Variants in PCDH15 observed in about 807,000 individuals in gnomAD.
PCDH15 encodes the protein protocadherin-15.
PCDH15 carries 129 observed loss-of-function variants against 178.5 expected under a neutral mutation model. The ratio of observed to expected loss-of-function variants is 0.72; its 90% CI spans 0.63 to 0.84. The LOEUF is 0.84. Among genes scored for constraint, PCDH15 ranks in the 40% least tolerant of loss-of-function variants. The pLI, the probability that PCDH15 is intolerant of heterozygous loss-of-function variation, is 0.00. For synonymous variants in PCDH15, 800 were observed against 732.0 expected, an observed-to-expected ratio of 1.09 and a Z score of -1.50; for missense variants, 2,230 against 2,099.9, an observed-to-expected ratio of 1.06 and a Z score of -1.21.
intron 8 of PCDH15, among the ~76,000 whole-genome samples, chr10:54,237,824 G>A (rs933090783): frequency 2.4e-4 from 36 of 152,184 alleles, no homozygotes; most frequent in African/African-American, 8.4e-4. Context: ...TATCTACACA[G>A]ATATGCTTGG....
chr10:54,950,305 C>A (rs1303392097), intron 2 of PCDH15, among the ~76,000 whole-genome samples: 1 of 151,908 alleles, frequency 6.6e-6, no homozygotes, highest in Admixed American at 6.6e-5. Context: ...TGTGTCTCCA[C>A]CCAAATCTCA....
chr10:54,462,050 C>T (rs2136475654), intron 3 of PCDH15, among the ~76,000 whole-genome samples: 1 of 152,006 alleles, frequency 6.6e-6, no homozygotes, highest in South Asian at 2.1e-4. Context: ...TTGAGATAGT[C>T]AATGCAAATA....
chr10:53,909,134 T>A (rs573707144), intron 25 of PCDH15, among the ~76,000 whole-genome samples: 6 of 152,306 alleles, frequency 3.9e-5, no homozygotes, highest in African/African-American at 1.4e-4. Flanking sequence ...TTTTCCCCAA[T>A]GTGTTCTCAT....
intron 1 of PCDH15, among the ~76,000 whole-genome samples, chr10:54,787,735 G>A (rs915676163): frequency 9.2e-5 from 14 of 151,834 alleles, no homozygotes; most frequent in Admixed American, 6.6e-4. Flanking sequence ...GCCAACATAC[G>A]GATTTTGAGG....
intron 16 of PCDH15, among the ~76,000 whole-genome samples, chr10:54,084,655 C>T (rs1235084279): frequency 6.6e-6 from 1 of 152,018 alleles, no homozygotes; most frequent in Non-Finnish European, 1.5e-5. Context: ...TACTTCCAAA[C>T]AAAACAAGCT....
chr10:54,343,722 C>A (rs1942705805), intron 6 of PCDH15, among the ~76,000 whole-genome samples: 1 of 151,578 alleles, frequency 6.6e-6, no homozygotes, highest in South Asian at 2.1e-4. Flanking sequence ...GTGCAGCACA[C>A]CAACATGGCA....
chr10:53,970,264 G>A (rs2089530397), intron 21 of PCDH15, among the ~76,000 whole-genome samples: 1 of 151,932 alleles, frequency 6.6e-6, no homozygotes, highest in African/African-American at 2.4e-5. Flanking sequence ...AGACAAAGAA[G>A]GCCATTACAT....
intron 3 of PCDH15, among the ~76,000 whole-genome samples, chr10:54,497,518 G>A (rs72792528): frequency 1.8e-3 from 280 of 152,212 alleles, no homozygotes; most frequent in Non-Finnish European, 3.4e-3. Flanking sequence ...AGATACAGGA[G>A]AAGGTTGAAA....
chr10:55,582,281 G>C (rs1239742533), intron 2 of PCDH15, among the ~76,000 whole-genome samples: 1 of 152,070 alleles, frequency 6.6e-6, no homozygotes, highest in Non-Finnish European at 1.5e-5. Context: ...GCCCTTGCTT[G>C]TCTTTCTTTA....
At chr10:55,591,243 T>C (rs780392157) in intron 2 of PCDH15, among the ~76,000 whole-genome samples, 1 of 152,032 alleles carries the variant, frequency 6.6e-6, no homozygotes, top group Non-Finnish European at 1.5e-5. Flanking sequence ...GAACAGCCTG[T>C]ACAACATAGT....
At chr10:54,210,507 G>T (rs1343976618) in intron 10 of PCDH15, among the ~76,000 whole-genome samples, 1 of 151,958 alleles carries the variant, frequency 6.6e-6, no homozygotes, top group Admixed American at 6.6e-5. Context: ...GCCACTTTAG[G>T]GGCCAAAAGG....
At chr10:55,064,670 G>A (rs115865745) in intron 2 of PCDH15, among the ~76,000 whole-genome samples, 3,917 of 151,978 alleles carry the variant, frequency 0.026, 92 homozygotes, top group East Asian at 0.076. Flanking sequence ...GGTACTATGA[G>A]CCAAAAGACC....
chr10:55,189,279 T>A (rs1453834072), intron 1 of PCDH15, among the ~76,000 whole-genome samples: 1 of 151,902 alleles, frequency 6.6e-6, no homozygotes, highest in Non-Finnish European at 1.5e-5. Flanking sequence ...TCTAAAAAAA[T>A]TGACAATAGG....
At chr10:54,123,216 C>G (rs1005277180) in intron 15 of PCDH15, among the ~76,000 whole-genome samples, 1 of 152,070 alleles carries the variant, frequency 6.6e-6, no homozygotes, top group African/African-American at 2.4e-5. Flanking sequence ...AAGAAACCAT[C>G]GACAGAGTGA....
At chr10:54,273,794 C>T (rs2058185183) in intron 8 of PCDH15, among the ~76,000 whole-genome samples, 1 of 152,070 alleles carries the variant, frequency 6.6e-6, no homozygotes, top group South Asian at 2.1e-4. Context: ...TAGAGGATAA[C>T]AGCCACACTC....
At chr10:55,341,698 T>C (rs1361199998) in intron 2 of PCDH15, among the ~76,000 whole-genome samples, 1 of 143,170 alleles carries the variant, frequency 7.0e-6, no homozygotes, top group Non-Finnish European at 1.5e-5. Flanking sequence ...GCCTCCCGAG[T>C]AGCTGGGACT....
intron 8 of PCDH15, among the ~76,000 whole-genome samples, chr10:54,316,216 G>A (rs537995160): frequency 6.6e-6 from 1 of 152,110 alleles, no homozygotes; most frequent in African/African-American, 2.4e-5. Flanking sequence ...ACTCAAAAGT[G>A]ATTCTCAGCT....
At chr10:55,547,146 TTGA>T (rs1476411145) in intron 2 of PCDH15, among the ~76,000 whole-genome samples, 3 of 152,150 alleles carry the variant, frequency 2.0e-5, no homozygotes, top group Non-Finnish European at 1.5e-5. Flanking sequence ...CCCGGGGACG[TTGA>T]TATGGGTGCT....
At chr10:54,632,122 C>A (rs2093718316) in intron 2 of PCDH15, among the ~76,000 whole-genome samples, 1 of 152,028 alleles carries the variant, frequency 6.6e-6, no homozygotes, top group Non-Finnish European at 1.5e-5. Flanking sequence ...GAAATCATGT[C>A]CCTTACAGCA....
Sources: allele counts gnomAD v4.1 joint callset (sites outside exome capture counted in the v4.1 genomes callset), GRCh38; gene constraint gnomAD v4.1.1; transcripts MANE v1.5; gene names NCBI Gene and HGNC (gene_info 2026-07-23, HGNC 2026-07-21).